The following CPNE6 variants were observed in gnomAD, a reference collection of about 807,000 sequenced individuals.
The protein encoded by CPNE6 is copine-6.
CPNE6 carries 33 observed loss-of-function variants against 71.5 expected under a neutral mutation model. The observed-to-expected ratio is 0.46, with a 90% CI of 0.35 to 0.62. The LOEUF (loss-of-function observed/expected upper bound fraction) is 0.62, where lower values mean the gene tolerates loss of function less well. Among genes scored for constraint, CPNE6 ranks in the 20% least tolerant of loss-of-function variants. CPNE6 has a pLI of 0.00. For synonymous variants in CPNE6, 296 were observed against 293.0 expected (o/e 1.01, Z -0.10); for missense variants, 576 against 747.3 (o/e 0.77, Z 2.67).
At chr14:24,071,177 C>T in intron 1 of CPNE6, 1 of 1,026,166 alleles carries the variant, frequency 9.7e-7, no homozygotes, top group Non-Finnish European at 1.4e-6. Context: ...CTGTAACTGT[C>T]GTGGTGTCAC....
rs375102270 is a variant in CPNE6, at chr14:24,075,802, G to A, written c.865-25G>A. 3.4e-5 allele frequency: 54 copies of A among 1,611,108 alleles called. No homozygotes were observed. The highest frequency in any genetic ancestry group is 1.5e-4 in the Admixed American group (9 of 59,968). On this transcript the variant is annotated intron_variant, in intron 10 of 17. Coordinates refer to ENST00000397016, the Ensembl canonical transcript of CPNE6. The surrounding 1 kb of genome is among the most constrained non-coding windows in gnomAD (Gnocchi z 4.3). ...CCTCAAAGGACCACCCCATCCCCTC[G>A]CCTTACCCCTCTCCCTACCTCCAGG... is the stretch of plus-strand genomic sequence containing the variant.
Position 24,072,915 on chromosome 14 carries a change from C to T in CPNE6, c.-4-18C>T, listed in dbSNP as rs1325077643. ...TGTTCCCTTTCCAGAGTCCAGGCCACCTGCTCTGTCCCCACAGTGACATGT... is the reference window on the plus strand; with the variant it reads ...TGTTCCCTTTCCAGAGTCCAGGCCATCTGCTCTGTCCCCACAGTGACATGT... On this transcript the variant is annotated intron_variant, in intron 2 of 17. Coordinates refer to ENST00000397016, the Ensembl canonical transcript of CPNE6. 1.0e-5 allele frequency: 16 copies of T among 1,530,154 alleles called. No homozygotes were observed. Among genetic ancestry groups the T allele is most frequent in the Admixed American group, 4.0e-5 (2 of 50,202 alleles). The allele number at this position is 1,530,154 out of a possible 1,614,324, so 94.8% of individuals were successfully genotyped here.
Position 24,075,350 on chromosome 14 carries a change from C to T in CPNE6, c.777+74C>T. 3 of 1,446,396 alleles carry T rather than the reference C, an allele frequency of 2.1e-6. No homozygotes were observed. Among genetic ancestry groups the T allele is most frequent in the East Asian group, 2.3e-5 (1 of 44,082 alleles). The allele number at this position is 1,446,396 out of a possible 1,614,324, so 89.6% of individuals were successfully genotyped here. A position where few individuals can be genotyped will look rare whatever the true frequency, so the allele number is the denominator to read the frequency against. On this transcript the variant is annotated intron_variant, in intron 9 of 17. Coordinates refer to ENST00000397016, the Ensembl canonical transcript of CPNE6. This position sits in a 1 kb window ranked among gnomAD's most constrained non-coding sequence, Gnocchi z 4.3. Reference sequence around the variant, plus strand: ...ATCCTGAGGGTGATGCTGAAGAGACCACCATAGGTGATAGGAAGTGGAGAG... The same window carrying T: ...ATCCTGAGGGTGATGCTGAAGAGACTACCATAGGTGATAGGAAGTGGAGAG...
At chr14:24,076,775 G>C (rs2070345) in intron 14 of CPNE6, 104 bp from the exon 14 acceptor site, 490,226 of 1,565,064 alleles carry the variant, frequency 0.31, 79,963 homozygotes, top group South Asian at 0.47. Flanking sequence ...AGGAACTCGA[G>C]GGGAGGGCAG....
chr14:24,071,501 G>GCGCCCCCCCCCC, intron 1 of CPNE6, 61 bp from the exon 1 acceptor site: 16 of 1,416,694 alleles, frequency 1.1e-5, no homozygotes, highest in African/African-American at 1.5e-5. Flanking sequence ...CTGGTGCTGC[G>GCGCCCCCCCCCC]CCCCCCCCCA....
In CPNE6 at chr14:24,074,686, C is replaced by A; in HGVS notation, c.583-20C>A. On this transcript the variant is annotated intron_variant, in intron 7 of 17. Coordinates refer to ENST00000397016, the Ensembl canonical transcript of CPNE6. This position sits in a 1 kb window ranked among gnomAD's most constrained non-coding sequence, Gnocchi z 4.5. ...GAAGACACAGACAGGAGCTGACCAG[C>A]CACCTGGTGCCTCTCCAAGGTGGTG... 1 of 1,613,836 alleles carries A rather than the reference C, an allele frequency of 6.2e-7. No homozygotes were observed. The highest frequency in any genetic ancestry group is 1.3e-5 in the African/African-American group (1 of 75,022).
rs141811909 is a variant in CPNE6 at position 24,076,909 on chromosome 14, G to A, written c.1196G>A (p.Arg399His). 3.9e-5 allele frequency: 63 copies of A among 1,613,248 alleles called. No homozygotes were observed. In the African/African-American group the frequency reaches 6.9e-4, roughly 18 times the overall value. The change falls in exon 15 of 18, where the codon CGT (arginine) becomes CAT (histidine). Residue 399 changes from arginine to histidine, a missense_variant. Transcript: ENST00000397016. ...TCAGGGGTCATCGCCTCCTACCGTC[G>A]TTGCCTGCCCCAGATCCAGCTCTAC...
chr14:24,075,628 C>G lies in CPNE6; in HGVS notation c.864+37C>G. The G allele has an allele frequency of 6.5e-7, 1 of 1,535,494 alleles. No homozygotes were observed. Among genetic ancestry groups the G allele is most frequent in the Non-Finnish European group, 8.9e-7 (1 of 1,118,926 alleles). On this transcript the variant is annotated intron_variant, in intron 10 of 17. Coordinates refer to ENST00000397016, the Ensembl canonical transcript of CPNE6. This position sits in a 1 kb window ranked among gnomAD's most constrained non-coding sequence, Gnocchi z 4.3. ...TTCCTGCTTCAAGCCTTGCCCCAGC[C>G]CCTGCCCCTACCACACTCTCAGGTT... is the stretch of plus-strand genomic sequence containing the variant.
In CPNE6 at chr14:24,074,665, AC is replaced by A; in HGVS notation, c.583-40del. On this transcript the variant is annotated intron_variant, in intron 7 of 17. Coordinates refer to ENST00000397016, the Ensembl canonical transcript of CPNE6. This position sits in a 1 kb window ranked among gnomAD's most constrained non-coding sequence, Gnocchi z 4.5. The stretch of plus-strand genomic sequence containing the variant: ...AAGGGAGGGAGAGTAAAGTAAGAAG[AC>A]ACAGACAGGAGCTGACCAGCCACCT... The A allele has an allele frequency of 6.2e-7, 1 of 1,613,688 alleles. No homozygotes were observed. Among genetic ancestry groups the A allele is most frequent in the South Asian group, 1.1e-5 (1 of 91,082 alleles).
In CPNE6 at chr14:24,074,532, A is replaced by G; in HGVS notation, c.500A>G (p.Asp167Gly). The G allele has an allele frequency of 6.2e-7, 1 of 1,614,028 alleles. No individual in the cohort carries two copies. The highest frequency in any genetic ancestry group is 8.5e-7 in the Non-Finnish European group (1 of 1,179,922). Residue 167 changes from aspartate to glycine, a missense_variant and splice_region_variant, in exon 7 of 18, where the codon GAT (aspartate) becomes GGT (glycine). Physicochemically the swap from Asp to Gly is moderately conservative, Grantham distance 94. Around this residue, in one of 4 missense-constraint regions of CPNE6, gnomAD observed 214 missense variants for 291.2 expected, o/e 0.73. Transcript: ENST00000397016. The surrounding 1 kb of genome is among the most constrained non-coding windows in gnomAD (Gnocchi z 4.5). The stretch of plus-strand genomic sequence containing the variant: ...GGGCCCTTTCTCCTGTATCTTCAGG[A>G]TCTGTTCAGCAAGTCTGACCCTTTC...
At position 24,077,814 on chromosome 14, in the gene CPNE6, G is replaced by T; in HGVS notation, c.*37+47G>T. On this transcript the variant is annotated intron_variant, in intron 17 of 17. Coordinates refer to ENST00000397016, the Ensembl canonical transcript of CPNE6. The surrounding 1 kb of genome is among the most constrained non-coding windows in gnomAD (Gnocchi z 6.1). ...GGAGTGGACACAGGGGGTGCAAAGT[G>T]GGGCTTGGTAGAGCCCAACTAGGCT... The T allele has an allele frequency of 1.4e-6, 2 of 1,404,128 alleles. No individual in the cohort carries two copies. Among genetic ancestry groups the T allele is most frequent in the Non-Finnish European group, 9.3e-7 (1 of 1,070,734 alleles). 87.0% of individuals were successfully genotyped at this position (1,404,128 alleles called of 1,614,324 possible).
Position 24,074,720 on chromosome 14 carries a change from C to A in CPNE6, c.597C>A (p.Asn199Lys). The A allele has an allele frequency of 6.2e-7, 1 of 1,614,128 alleles. No homozygotes were observed. The highest frequency in any genetic ancestry group is 8.5e-7 in the Non-Finnish European group (1 of 1,180,016). ...GCCTCTCCAAGGTGGTGAAGAACAA[C>A]CTGAACCCCAGCTGGGAGCCGTTCC... Residue 199 changes from asparagine (N) to lysine (K), a missense_variant, in exon 8 of 18, where the codon AAC becomes AAA. Asn to Lys is a moderately conservative substitution (Grantham distance 94). Around this residue, in one of 4 missense-constraint regions of CPNE6, gnomAD observed 214 missense variants for 291.2 expected, o/e 0.73. Coordinates refer to ENST00000397016, the Ensembl canonical transcript of CPNE6. This position sits in a 1 kb window ranked among gnomAD's most constrained non-coding sequence, Gnocchi z 4.5.
rs1448213929 is a variant in CPNE6, at chr14:24,076,291, G to C, written c.1058+9G>C. ...TGCCAGGACTATGACAGGTAGGAGA[G>C]AGTGGGGCGGGAGGGAACAGGCAGG... On this transcript the variant is annotated intron_variant, in intron 12 of 17. Coordinates refer to ENST00000397016, the Ensembl canonical transcript of CPNE6. 3 of 1,614,234 alleles carry C rather than the reference G, an allele frequency of 1.9e-6. No homozygotes were observed. Among genetic ancestry groups the C allele is most frequent in the Non-Finnish European group, 2.5e-6 (3 of 1,180,030 alleles).
chr14:24,076,310 A>C (rs1161723356), intron 12 of CPNE6, 28 bp downstream of exon 11: 11 of 1,614,248 alleles, frequency 6.8e-6, no homozygotes, highest in Non-Finnish European at 9.3e-6. Flanking sequence ...GGGAGGGAAC[A>C]GGCAGGGAGG....
rs749465144 is a variant in CPNE6, at chr14:24,074,766, T to A, written c.643T>A (p.Cys215Ser). ...GTTCCGCCTGTCCCTGCATTCCCTATGCAGCTGTGATGTTCACCGACCTCT... is the reference window on the plus strand; with the variant it reads ...GTTCCGCCTGTCCCTGCATTCCCTAAGCAGCTGTGATGTTCACCGACCTCT... The change falls in exon 8 of 18, where the codon TGC becomes AGC. Residue 215 changes from cysteine to serine, a missense_variant. Transcript: ENST00000397016. The surrounding 1 kb of genome is among the most constrained non-coding windows in gnomAD (Gnocchi z 4.5). The A allele has an allele frequency of 6.2e-7, 1 of 1,613,766 alleles. No individual in the cohort carries two copies. Among genetic ancestry groups the A allele is most frequent in the African/African-American group, 1.3e-5 (1 of 74,888 alleles).
At position 24,077,861 on chromosome 14, in the gene CPNE6, G is replaced by C; in HGVS notation, c.*38-27G>C. ...GGCTGGGTGTAGTGTAGAAGAGAGT[G>C]CTTATGACTCTCCCACCCCCTCCCA... On this transcript the variant is annotated intron_variant, in intron 17 of 17. Transcript: ENST00000397016. This position sits in a 1 kb window ranked among gnomAD's most constrained non-coding sequence, Gnocchi z 6.1. 9.9e-7 allele frequency: 1 copy of C among 1,006,346 alleles called. No homozygotes were observed. The highest frequency in any genetic ancestry group is 2.5e-5 in the South Asian group (1 of 40,704). 62.3% of individuals were successfully genotyped at this position (1,006,346 alleles called of 1,614,324 possible).
chr14:24,073,099 G>A lies in CPNE6; in HGVS notation c.163G>A (p.Val55Met). 6.9e-7 allele frequency: 1 copy of A among 1,458,914 alleles called. No individual in the cohort carries two copies. Among genetic ancestry groups the A allele is most frequent in the South Asian group, 1.5e-5 (1 of 67,628 alleles). 90.4% of individuals were successfully genotyped at this position (1,458,914 alleles called of 1,614,324 possible). The stretch of plus-strand genomic sequence containing the variant: ...CAAGCTCTACTCTGATGAGCAGTGG[G>A]TGGAGGTGAGAGCAGCTCAGGTTTC... The change falls in exon 3 of 18, where the codon GTG becomes ATG. Residue 55 changes from valine (V) to methionine (M), a missense_variant. Transcript: ENST00000397016. The surrounding 1 kb of genome is among the most constrained non-coding windows in gnomAD (Gnocchi z 5.5).
chr14:24,071,656 C>T lies in CPNE6; in HGVS notation c.-5+15C>T. The T allele has an allele frequency of 1.2e-6, 1 of 833,870 alleles. No individual in the cohort carries two copies. The highest frequency in any genetic ancestry group is 2.6e-5 in the East Asian group (1 of 37,812). The allele number at this position is 833,870 out of a possible 1,614,324, so 51.7% of individuals were successfully genotyped here. A position where few individuals can be genotyped will look rare whatever the true frequency, so the allele number is the denominator to read the frequency against. ...CGAGAGCCCAGGTGAGCCCACCCTT[C>T]CTCCCCAGCCCAGCCCCAGCCCAGC... is the stretch of plus-strand genomic sequence containing the variant. On this transcript the variant is annotated intron_variant, in intron 2 of 17. Coordinates refer to ENST00000397016, the Ensembl canonical transcript of CPNE6.
At position 24,071,632 on chromosome 14, in the gene CPNE6, G is replaced by A. The variant is rs550965968; in HGVS notation, c.-14G>A. ...GAGCCGGAGAGAGGAGCCCCCGACCGAGAGCCCAGGTGAGCCCACCCTTCC... is the reference window on the plus strand; with the variant it reads ...GAGCCGGAGAGAGGAGCCCCCGACCAAGAGCCCAGGTGAGCCCACCCTTCC... On this transcript the variant is annotated 5_prime_UTR_variant, in exon 2 of 18. Transcript: ENST00000397016. 87 of 1,068,276 alleles carry A rather than the reference G, an allele frequency of 8.1e-5. 1 individual carries two copies. Among genetic ancestry groups the A allele is most frequent in the Admixed American group, 2.2e-4 (11 of 50,312 alleles). 66.2% of individuals were successfully genotyped at this position (1,068,276 alleles called of 1,614,324 possible).
Sources: gnomAD v4.1 joint callset for allele counts on GRCh38, gnomAD v4.1.1 for gene constraint, gnomAD v4.1.1 regional missense constraint, Gnocchi (gnomAD v3.1) non-coding constraint, MANE v1.5 for transcripts, NCBI Gene and HGNC (gene_info 2026-07-23, HGNC 2026-07-21) for gene names.